Variants in NDST4 observed in about 807,000 individuals in gnomAD.
The protein encoded by NDST4 is N-heparan sulfate sulfotransferase 4.
Under a neutral mutation model 100.8 loss-of-function variants are expected in NDST4, and 63 were observed. That is an observed-to-expected ratio of 0.62 (90% CI 0.51 to 0.77). NDST4 has a LOEUF of 0.77. NDST4 is among the 30% of genes least tolerant of loss of function. NDST4 has a pLI of 0.00. For synonymous variants in NDST4, 377 were observed against 361.8 expected (o/e 1.04, Z -0.48); for missense variants, 943 against 1,018.4 (o/e 0.93, Z 1.01).
At chr4:115,066,493 C>T (rs556424297) in intron 2 of NDST4, among the ~76,000 whole-genome samples, 1 of 152,174 alleles carries the variant, frequency 6.6e-6, no homozygotes, top group East Asian at 1.9e-4. Context: ...TGTCCTCTTG[C>T]AAGTAAGTTT....
At chr4:114,977,956 T>C (rs558893067) in intron 2 of NDST4, among the ~76,000 whole-genome samples, 61 of 152,144 alleles carry the variant, frequency 4.0e-4, no homozygotes, top group Non-Finnish European at 7.8e-4. Flanking sequence ...GTCTGGTTTG[T>C]GGACAGGATA....
At chr4:115,014,087 C>T (rs1032435509) in intron 2 of NDST4, among the ~76,000 whole-genome samples, 2 of 152,034 alleles carry the variant, frequency 1.3e-5, no homozygotes, top group African/African-American at 2.4e-5. Context: ...AGCACAACCT[C>T]TTGTACTTGT....
intron 6 of NDST4, among the ~76,000 whole-genome samples, chr4:114,909,656 C>T (rs1450103929): frequency 7.9e-5 from 9 of 114,410 alleles, no homozygotes; most frequent in Non-Finnish European, 9.9e-5. Flanking sequence ...GGCGACAGAG[C>T]GAGACTCCGT....
chr4:114,963,303 A>T (rs1442379128), intron 4 of NDST4, among the ~76,000 whole-genome samples: 1 of 152,180 alleles, frequency 6.6e-6, no homozygotes, highest in East Asian at 1.9e-4. Flanking sequence ...CCTTAAAAAC[A>T]TTATGCTAAG....
chr4:114,924,076 T>C (rs1312816315), intron 6 of NDST4, among the ~76,000 whole-genome samples: 2 of 152,102 alleles, frequency 1.3e-5, no homozygotes, highest in Admixed American at 6.6e-5. Flanking sequence ...CTCTCTCTTA[T>C]TTCATGAGAA....
At chr4:114,836,102 C>G (rs28773816) in intron 11 of NDST4, among the ~76,000 whole-genome samples, 2 of 152,144 alleles carry the variant, frequency 1.3e-5, no homozygotes, top group African/African-American at 2.4e-5. Flanking sequence ...GGGCATTTAA[C>G]CCATTTACAT....
At chr4:114,986,013 T>C (rs1354656424) in intron 2 of NDST4, among the ~76,000 whole-genome samples, 2 of 152,184 alleles carry the variant, frequency 1.3e-5, no homozygotes, top group African/African-American at 2.4e-5. Flanking sequence ...TTTCAGGAAC[T>C]AACTGCACAC....
chr4:114,868,833 A>G (rs1253269525), intron 7 of NDST4, among the ~76,000 whole-genome samples: 1 of 151,446 alleles, frequency 6.6e-6, no homozygotes, highest in Admixed American at 6.6e-5. Flanking sequence ...AATGATGAAA[A>G]TTTGTAAACT....
chr4:114,854,814 T>G (rs1302468895), intron 7 of NDST4, among the ~76,000 whole-genome samples: 1 of 152,202 alleles, frequency 6.6e-6, no homozygotes, highest in Non-Finnish European at 1.5e-5. Context: ...GATTGCTGAA[T>G]CACATGGTAG....
chr4:115,107,653 G>A lies in NDST4; in HGVS notation c.-247+5791C>T, dbSNP rs1344650794. Reference sequence around the variant, plus strand: ...CTTTATAGCACTCACAGGCACTACTGTGGGGTCTTTATTTATTTACTGTCA... The same window carrying A: ...CTTTATAGCACTCACAGGCACTACTATGGGGTCTTTATTTATTTACTGTCA... On this transcript the variant is annotated intron_variant, in intron 1 of 13. Coordinates refer to ENST00000264363, the MANE Select transcript of NDST4 (RefSeq NM_022569.3). 3.3e-5 allele frequency among the ~76,000 whole-genome samples: 5 copies of A among 152,108 alleles called. No homozygotes were observed. In the East Asian group the frequency reaches 7.7e-4, roughly 24 times the overall value.
intron 2 of NDST4, among the ~76,000 whole-genome samples, chr4:115,069,634 G>GCCT (rs775153511): frequency 2.0e-5 from 3 of 152,094 alleles, no homozygotes; most frequent in Non-Finnish European, 4.4e-5. Context: ...ATGGCTTCAT[G>GCCT]CCTGTAATCC....
In NDST4 at chr4:115,094,195, T is replaced by C. The variant is rs769764154; in HGVS notation, c.-246-16913A>G. ...TTACATGTACAAAGTTCCTATAAAATATTGCTTTATTAAAATGTAAGGTTT... is the reference window on the plus strand; with the variant it reads ...TTACATGTACAAAGTTCCTATAAAACATTGCTTTATTAAAATGTAAGGTTT... On this transcript the variant is annotated intron_variant, in intron 1 of 13. Transcript: ENST00000264363. Among the ~76,000 whole-genome samples the C allele has an allele frequency of 1.2e-4, 19 of 152,090 alleles. 1 individual carries two copies. The highest frequency in any genetic ancestry group is 2.8e-4 in the Non-Finnish European group (19 of 68,002).
chr4:114,960,771 A>C (rs1326015955), intron 4 of NDST4, among the ~76,000 whole-genome samples: 5 of 152,172 alleles, frequency 3.3e-5, no homozygotes, highest in Non-Finnish European at 5.9e-5. Flanking sequence ...AGCCATATTG[A>C]AGTAAGGAAG....
chr4:114,981,000 C>CTTAA (rs1382291583), intron 2 of NDST4, among the ~76,000 whole-genome samples: 1 of 151,718 alleles, frequency 6.6e-6, no homozygotes, highest in African/African-American at 2.4e-5. Flanking sequence ...ATTGCTTGAG[C>CTTAA]TTAAGAGTCA....
In NDST4 at chr4:114,857,002, G is replaced by T. The variant is rs572167628; in HGVS notation, c.1720-4181C>A. 2.6e-5 allele frequency among the ~76,000 whole-genome samples: 4 copies of T among 152,250 alleles called. No individual in the cohort carries two copies. In the South Asian group the frequency reaches 8.3e-4, roughly 32 times the overall value. On this transcript the variant is annotated intron_variant, in intron 7 of 13. Coordinates refer to ENST00000264363, the MANE Select transcript of NDST4 (RefSeq NM_022569.3). ...GTGATACAGATAGCTTCAAGTTTAG[G>T]ATGGGGCCTAGAGCAAGAAAGGGGT...
intron 1 of NDST4, among the ~76,000 whole-genome samples, chr4:115,104,162 T>C (rs1387012410): frequency 2.6e-5 from 4 of 152,178 alleles, no homozygotes; most frequent in East Asian, 3.9e-4. Flanking sequence ...GTGGAAACCA[T>C]GAGATCAATT....
At chr4:114,882,109 C>G (rs1308980803) in intron 6 of NDST4, among the ~76,000 whole-genome samples, 1 of 151,288 alleles carries the variant, frequency 6.6e-6, no homozygotes, top group Non-Finnish European at 1.5e-5. Context: ...TGTTTACTCT[C>G]TTCCCTCTCC....
chr4:114,935,728 G>T (rs1725614782), intron 5 of NDST4, among the ~76,000 whole-genome samples: 1 of 152,032 alleles, frequency 6.6e-6, no homozygotes, highest in Non-Finnish European at 1.5e-5. Context: ...GCATTGTAAA[G>T]GTATGCAGGT....
chr4:114,969,110 G>A (rs116098840), intron 4 of NDST4, among the ~76,000 whole-genome samples: 5,022 of 151,896 alleles, frequency 0.033, 199 homozygotes, highest in African/African-American at 0.089. Flanking sequence ...AAAAATAGTC[G>A]AGACCATCCG....
Sources: allele counts gnomAD v4.1 joint callset (sites outside exome capture counted in the v4.1 genomes callset), GRCh38; gene constraint gnomAD v4.1.1; transcripts MANE v1.5; gene names NCBI Gene and HGNC (gene_info 2026-07-23, HGNC 2026-07-21).